The following STRBP variants were observed in gnomAD, a reference collection of about 807,000 sequenced individuals.
The protein encoded by STRBP is spermatid perinuclear RNA binding protein.
Under a neutral mutation model 80.1 loss-of-function variants are expected in STRBP, and 13 were observed. The observed-to-expected ratio is 0.16, with a 90% CI of 0.11 to 0.26. STRBP has a LOEUF of 0.26. Ranked by LOEUF, STRBP falls within the 10% of genes least tolerant of loss-of-function variation. STRBP has a pLI of 1.00. For synonymous variants in STRBP, 284 were observed against 291.2 expected (o/e 0.98, Z 0.25); for missense variants, 485 against 815.2 (o/e 0.59, Z 4.93).
intron 8 of STRBP, among the ~76,000 whole-genome samples, chr9:123,159,597 C>T (rs2037436734): frequency 6.6e-6 from 1 of 152,098 alleles, no homozygotes; most frequent in African/African-American, 2.4e-5. Flanking sequence ...GCACACAAAC[C>T]ACAAATATTT....
intron 13 of STRBP, among the ~76,000 whole-genome samples, chr9:123,144,445 T>C (rs992296672): frequency 6.6e-6 from 1 of 152,070 alleles, no homozygotes; most frequent in Non-Finnish European, 1.5e-5. Context: ...TCCCACTAAA[T>C]AGAATACTAA....
Position 123,136,054 on chromosome 9 carries a change from T to A in STRBP, c.1760A>T (p.Lys587Met), listed in dbSNP as rs2036341837. The part of the protein sequence containing the change: ...GPNAANNKKK[K>M]IIPQAKGVVN... The stretch of plus-strand genomic sequence containing the variant: ...GTTTACTCATACCTGAGGGATAATC[T>A]TCTTTTTCTTATTATTTGCCGCATT... The change falls in exon 16 of 19, where the codon AAG becomes ATG. Residue 587 changes from lysine (K) to methionine (M), a missense_variant. Transcript: ENST00000348403. This position sits in a 1 kb window ranked among gnomAD's most constrained non-coding sequence, Gnocchi z 4.2. 6.2e-7 allele frequency: 1 copy of A among 1,614,040 alleles called. No individual in the cohort carries two copies. Among genetic ancestry groups the A allele is most frequent in the Non-Finnish European group, 8.5e-7 (1 of 1,180,004 alleles).
intron 2 of STRBP, among the ~76,000 whole-genome samples, chr9:123,222,774 C>T (rs1338804629): frequency 6.6e-6 from 1 of 152,128 alleles, no homozygotes; most frequent in Non-Finnish European, 1.5e-5. Context: ...GCACCAAACC[C>T]AGATAGTTTC....
rs115099763 is a variant in STRBP, at chr9:123,144,713, G to A, written c.1338+2142C>T. Among the ~76,000 whole-genome samples, 1,458 of 152,110 alleles carry A rather than the reference G, an allele frequency of 9.6e-3. 22 individuals carry two copies. Among genetic ancestry groups the A allele is most frequent in the African/African-American group, 0.033 (1,369 of 41,490 alleles). On this transcript the variant is annotated intron_variant, in intron 13 of 18. Transcript: ENST00000348403. ...ATACATTTATAATAAGATTTAAAAA[G>A]CCAAAAGTAACTTTTAGAAAACAAG... is the stretch of plus-strand genomic sequence containing the variant.
intron 13 of STRBP, among the ~76,000 whole-genome samples, chr9:123,140,490 A>AT (rs2036543079): frequency 6.6e-6 from 1 of 152,104 alleles, no homozygotes; most frequent in Non-Finnish European, 1.5e-5. Context: ...GCTACTTGGG[A>AT]TGTTAAGGCT....
intron 2 of STRBP, among the ~76,000 whole-genome samples, chr9:123,218,621 G>A (rs1044952906): frequency 5.3e-5 from 8 of 150,496 alleles, no homozygotes; most frequent in African/African-American, 7.3e-5. Flanking sequence ...CACCCGCCTC[G>A]GCCTCCCAAA....
At position 123,139,398 on chromosome 9, in the gene STRBP, T is replaced by TG. The variant is rs559488519; in HGVS notation, c.1497+130_1497+131insC. On this transcript the variant is annotated intron_variant, in intron 14 of 18. Coordinates refer to ENST00000348403, the MANE Select transcript of STRBP (RefSeq NM_018387.5). ...GGATGGAAATAAACCAAAATAATAA[T>TG]TATGTCTGTCTCTGTAATTTATGTA... The TG allele has an allele frequency of 3.7e-4, 275 of 750,044 alleles. No homozygotes were observed. In the African/African-American group the frequency reaches 4.6e-3, roughly 12 times the overall value. 46.5% of individuals were successfully genotyped at this position (750,044 alleles called of 1,614,324 possible).
At chr9:123,216,822 A>C (rs1303391895) in intron 2 of STRBP, among the ~76,000 whole-genome samples, 1 of 152,208 alleles carries the variant, frequency 6.6e-6, no homozygotes, top group Non-Finnish European at 1.5e-5. Flanking sequence ...TACCTCAGTT[A>C]ATATTCACAT....
At chr9:123,149,238 G>A (rs993076024) in intron 11 of STRBP, among the ~76,000 whole-genome samples, 108 of 151,996 alleles carry the variant, frequency 7.1e-4, no homozygotes, top group African/African-American at 2.5e-3. Context: ...CATTTGCTTG[G>A]GTCAATATTT....
chr9:123,143,411 T>G (rs1379963476), intron 13 of STRBP, among the ~76,000 whole-genome samples: 1 of 152,240 alleles, frequency 6.6e-6, no homozygotes, highest in African/African-American at 2.4e-5. Flanking sequence ...TGATTTCTTC[T>G]TTTCTTTTGA....
In STRBP at chr9:123,159,907, A is replaced by G. The variant is rs370452459; in HGVS notation, c.723+460T>C. Among the ~76,000 whole-genome samples the G allele has an allele frequency of 4.6e-5, 7 of 152,322 alleles. No individual in the cohort carries two copies. The South Asian group carries it at 8.3e-4, about 18-fold the overall frequency. The stretch of plus-strand genomic sequence containing the variant: ...TGCCTGACTTTAATTACTAACATGA[A>G]CTTATTTGTAAATGTCTCCACTCAA... On this transcript the variant is annotated intron_variant, in intron 8 of 18. Transcript: ENST00000348403.
downstream of STRBP, among the ~76,000 whole-genome samples, chr9:123,117,753 G>A (rs910793135): frequency 6.6e-6 from 1 of 152,228 alleles, no homozygotes; most frequent in Non-Finnish European, 1.5e-5. Flanking sequence ...TCAGAGTCTG[G>A]CTTAAATTGT....
chr9:123,261,324 A>C (rs2041157198), intron 1 of STRBP, among the ~76,000 whole-genome samples: 1 of 152,216 alleles, frequency 6.6e-6, no homozygotes, highest in Admixed American at 6.5e-5. Flanking sequence ...CTCAGCCATC[A>C]ATCTTCCTTG....
At chr9:123,129,821 G>C (rs1028413593) in intron 17 of STRBP, among the ~76,000 whole-genome samples, 1 of 152,204 alleles carries the variant, frequency 6.6e-6, no homozygotes, top group African/African-American at 2.4e-5. Flanking sequence ...AAACAGTTCT[G>C]AGGGATGAAC....
chr9:123,257,986 A>C (rs1032869146), intron 1 of STRBP, among the ~76,000 whole-genome samples: 2 of 152,056 alleles, frequency 1.3e-5, no homozygotes, highest in African/African-American at 4.8e-5. Context: ...AAGATGAATA[A>C]ATTAATAAGG....
In STRBP at chr9:123,124,332, T is replaced by C. The variant is rs572104897; in HGVS notation, c.*1265A>G. 30 of 985,444 alleles carry C rather than the reference T, an allele frequency of 3.0e-5. No individual in the cohort carries two copies. Among genetic ancestry groups the C allele is most frequent in the South Asian group, 4.7e-5 (1 of 21,294 alleles). 61.0% of individuals were successfully genotyped at this position (985,444 alleles called of 1,614,324 possible). A position where few individuals can be genotyped will look rare whatever the true frequency, so the allele number is the denominator to read the frequency against. On this transcript the variant is annotated 3_prime_UTR_variant, in exon 19 of 19. Transcript: ENST00000348403. ...GGGGGTGAGTACCTTAATGAAACCA[T>C]TGACCTAGTAACATCATTGGCTTTC...
At chr9:123,150,768 A>C (rs1413096082) in intron 11 of STRBP, among the ~76,000 whole-genome samples, 1 of 152,110 alleles carries the variant, frequency 6.6e-6, no homozygotes, top group African/African-American at 2.4e-5. Flanking sequence ...TCAAGGTCCA[A>C]GCAGAGAAGG....
intron 1 of STRBP, among the ~76,000 whole-genome samples, chr9:123,265,390 C>T (rs1227448380): frequency 6.6e-6 from 1 of 152,112 alleles, no homozygotes; most frequent in Non-Finnish European, 1.5e-5. Flanking sequence ...GCTACCAAAG[C>T]GAACCTTTTA....
downstream of STRBP, among the ~76,000 whole-genome samples, chr9:123,118,443 G>A (rs116749698): frequency 7.9e-3 from 1,205 of 152,352 alleles, 19 homozygotes; most frequent in African/African-American, 0.028. Flanking sequence ...CCAGCAGGGT[G>A]GCACAGTTCA....
Sources: allele counts gnomAD v4.1 joint callset (sites outside exome capture counted in the v4.1 genomes callset), GRCh38; gene constraint gnomAD v4.1.1; non-coding constraint Gnocchi (gnomAD v3.1); transcripts MANE v1.5; gene names NCBI Gene and HGNC (gene_info 2026-07-23, HGNC 2026-07-21).